The following PAX3 variants were observed in gnomAD, a reference collection of about 807,000 sequenced individuals.
PAX3 encodes the protein paired box protein Pax-3.
A neutral mutation model predicts 51.6 loss-of-function variants in PAX3; 14 were observed. The observed-to-expected ratio is 0.27, with a 90% CI of 0.18 to 0.42. PAX3 has a LOEUF of 0.42. PAX3 is among the 10% of genes least tolerant of loss of function. The pLI is 1.00. For synonymous variants in PAX3, 280 were observed against 253.4 expected, an observed-to-expected ratio of 1.11 and a Z score of -1.00; for missense variants, 540 against 642.8, an observed-to-expected ratio of 0.84 and a Z score of 1.73.
At position 222,241,914 on chromosome 2, in the gene PAX3, C is replaced by T. The variant is rs114654599; in HGVS notation, c.587-9631G>A. On this transcript the variant is annotated intron_variant, in intron 4 of 8. Transcript: ENST00000392070. ...TCATGTTCCCTGTAGTAATGATATA[C>T]CCTTCTGTCATTTACATCTTACTTA... Among the ~76,000 whole-genome samples the T allele has an allele frequency of 5.4e-3, 815 of 152,316 alleles. 6 individuals are homozygous for T. The highest frequency in any genetic ancestry group is 0.019 in the African/African-American group (778 of 41,566).
chr2:222,239,426 C>G (rs1692922763), intron 4 of PAX3, among the ~76,000 whole-genome samples: 1 of 152,072 alleles, frequency 6.6e-6, no homozygotes, highest in Admixed American at 6.5e-5. Flanking sequence ...CTGGAAGCTT[C>G]TCTTCCACAT....
At chr2:222,201,624 ATCCT>A in intron 8 of PAX3, 182 bp from the exon 9 acceptor site, 3 of 1,304,076 alleles carry the variant, frequency 2.3e-6, no homozygotes, top group Non-Finnish European at 3.2e-6. Context: ...CCCCCATATG[ATCCT>A]GGAGCTGACC....
chr2:222,250,813 AT>A (rs1184871355), intron 4 of PAX3, among the ~76,000 whole-genome samples: 4 of 152,174 alleles, frequency 2.6e-5, no homozygotes, highest in Non-Finnish European at 5.9e-5. Context: ...TAGAAACTAA[AT>A]TTCTCTACAT....
At chr2:222,240,643 G>A (rs1368692433) in intron 4 of PAX3, among the ~76,000 whole-genome samples, 2 of 152,124 alleles carry the variant, frequency 1.3e-5, no homozygotes, top group African/African-American at 4.8e-5. Context: ...GCTTAAAGGA[G>A]CCACAAAATA....
intron 5 of PAX3, among the ~76,000 whole-genome samples, chr2:222,224,899 A>C (rs1450208266): frequency 6.6e-6 from 1 of 152,244 alleles, no homozygotes; most frequent in African/African-American, 2.4e-5. Flanking sequence ...CTGGCCTATG[A>C]CTGATGTTCT....
intron 1 of PAX3, 89 bp downstream of exon 1, chr2:222,298,442 A>C: frequency 8.9e-7 from 1 of 1,121,402 alleles, no homozygotes; most frequent in South Asian, 1.3e-5. Context: ...TCCTGGAAGC[A>C]CCAAAGGAGC....
intron 4 of PAX3, among the ~76,000 whole-genome samples, chr2:222,235,316 G>C (rs1692759563): frequency 6.6e-6 from 1 of 152,138 alleles, no homozygotes; most frequent in African/African-American, 2.4e-5. Context: ...AACACAGTAG[G>C]CACTCAATAA....
In PAX3 at chr2:222,293,641, C is replaced by A. The variant is rs772564725; in HGVS notation, c.586+526G>T. The A allele has an allele frequency of 1.4e-5, 22 of 1,613,904 alleles. No individual in the cohort carries two copies. The African/African-American group carries it at 2.4e-4, about 18-fold the overall frequency. On this transcript the variant is annotated intron_variant, in intron 4 of 8. Transcript: ENST00000392070. ...TTCAAACAAATCAAACCAGTCAACA[C>A]ACAGACATATTTATAAGGCAGCCAA...
At chr2:222,239,372 T>C (rs1022605705) in intron 4 of PAX3, among the ~76,000 whole-genome samples, 3 of 151,944 alleles carry the variant, frequency 2.0e-5, no homozygotes, top group Admixed American at 1.3e-4. Flanking sequence ...TTGAAATGGA[T>C]ACACAGTAGG....
intron 4 of PAX3, chr2:222,262,566 A>T (rs1319424812): frequency 2.0e-5 from 3 of 150,256 alleles, no homozygotes; most frequent in Non-Finnish European, 3.0e-5. Flanking sequence ...TAAAACCAAT[A>T]TAAAACAACT....
chr2:222,294,343 T>A (rs1695174217), intron 3 of PAX3, 42 bp from the exon 4 acceptor site: 2 of 1,611,154 alleles, frequency 1.2e-6, no homozygotes, highest in East Asian at 2.2e-5. Context: ...GCGCACATGG[T>A]TGAGACAAGC....
intron 4 of PAX3, among the ~76,000 whole-genome samples, chr2:222,291,093 A>G (rs1042171324): frequency 6.6e-6 from 1 of 152,226 alleles, no homozygotes; most frequent in South Asian, 2.1e-4. Flanking sequence ...CGCAGAGCAC[A>G]GGAGTGGGGG....
intron 3 of PAX3, 90 bp downstream of exon 3, chr2:222,295,438 C>G (rs1695243484): frequency 4.7e-6 from 7 of 1,481,490 alleles, no homozygotes; most frequent in Non-Finnish European, 6.6e-6. Context: ...TAGCTGAGAT[C>G]GATAATTGGG....
intron 5 of PAX3, among the ~76,000 whole-genome samples, chr2:222,229,507 A>C (rs1692506593): frequency 6.6e-6 from 1 of 151,998 alleles, no homozygotes; most frequent in Non-Finnish European, 1.5e-5. Context: ...TAGATTACAC[A>C]ATCGGTTGTC....
At chr2:222,293,489 A>G (rs1027606915) in intron 4 of PAX3, 2 of 718,336 alleles carry the variant, frequency 2.8e-6, no homozygotes, top group Non-Finnish European at 4.5e-6. Context: ...GGGGATCTGT[A>G]CCCCTAGAAG....
At position 222,298,861 on chromosome 2, in the gene PAX3, G is replaced by A; in HGVS notation, c.-246C>T. The A allele has an allele frequency of 1.7e-6, 1 of 584,364 alleles. No homozygotes were observed. The highest frequency in any genetic ancestry group is 3.1e-6 in the Non-Finnish European group (1 of 326,168). The allele number at this position is 584,364 out of a possible 1,614,324, so 36.2% of individuals were successfully genotyped here. ...AGGATCCCGAGCCCAGGGCGGAAAA[G>A]TTTGGTACGAGTCTGGGCAAATGTT... is the stretch of plus-strand genomic sequence containing the variant. On this transcript the variant is annotated 5_prime_UTR_variant, in exon 1 of 9. Coordinates refer to ENST00000392070, the MANE Select transcript of PAX3 (RefSeq NM_181458.4).
rs183623649 is a variant in PAX3, at chr2:222,204,210, T to A, written c.1174-2020A>T. ...AAGTAAGCATCAATAGGATTGACAA[T>A]TCCAGGAAGATGGAAAATCACTAGA... On this transcript the variant is annotated intron_variant, in intron 7 of 8. Coordinates refer to ENST00000392070, the MANE Select transcript of PAX3 (RefSeq NM_181458.4). 7.4e-3 allele frequency among the ~76,000 whole-genome samples: 1,132 copies of A among 152,276 alleles called. 14 individuals carry two copies. Among genetic ancestry groups the A allele is most frequent in the African/African-American group, 0.026 (1,075 of 41,560 alleles).
intron 4 of PAX3, among the ~76,000 whole-genome samples, chr2:222,239,867 T>C (rs1692943656): frequency 6.6e-6 from 1 of 152,194 alleles, no homozygotes; most frequent in African/African-American, 2.4e-5. Flanking sequence ...TGCTGAGCTT[T>C]CTTGAGCAAA....
At chr2:222,281,114 G>A (rs962803528) in intron 4 of PAX3, among the ~76,000 whole-genome samples, 1 of 152,200 alleles carries the variant, frequency 6.6e-6, no homozygotes, top group Non-Finnish European at 1.5e-5. Context: ...CACCTGGAAA[G>A]TTTCCACGCT....
Sources: gnomAD v4.1 joint callset for allele counts (sites outside exome capture counted in the v4.1 genomes callset) on GRCh38, gnomAD v4.1.1 for gene constraint, MANE v1.5 for transcripts, NCBI Gene and HGNC (gene_info 2026-07-23, HGNC 2026-07-21) for gene names.